SLC7A8: variants seen among roughly 807,000 people sequenced by gnomAD.
SLC7A8 encodes solute carrier family 7 member 8, also known as large neutral amino acids transporter small subunit 2.
In SLC7A8, 30 loss-of-function variants were observed where a neutral mutation model predicts 51.2. The observed-to-expected ratio is 0.59, with a 90% CI of 0.44 to 0.80. SLC7A8 has a LOEUF of 0.80. Ranked by LOEUF, SLC7A8 falls within the 30% of genes least tolerant of loss-of-function variation. The pLI is 0.00. For synonymous variants in SLC7A8, 257 were observed against 275.8 expected (o/e 0.93, Z 0.67); for missense variants, 612 against 674.4 (o/e 0.91, Z 1.03).
intron 3 of SLC7A8, chr14:23,155,422 C>T (rs757500369): frequency 2.6e-5 from 38 of 1,442,592 alleles, no homozygotes; most frequent in Non-Finnish European, 3.3e-5. Flanking sequence ...AGCTCCTGCG[C>T]CAGCTGCTGG....
At chr14:23,160,219 G>T (rs964160774) in intron 3 of SLC7A8, among the ~76,000 whole-genome samples, 1 of 152,102 alleles carries the variant, frequency 6.6e-6, no homozygotes, top group Non-Finnish European at 1.5e-5. Flanking sequence ...CATTGTGGAT[G>T]CTTTGTTTAC....
intron 9 of SLC7A8, 66 bp downstream of exon 9, chr14:23,129,583 TA>T (rs765357160): frequency 6.6e-5 from 103 of 1,565,486 alleles, no homozygotes; most frequent in Non-Finnish European, 8.0e-5. Context: ...AGAGGTGATT[TA>T]AAAATCTGAA....
At chr14:23,168,287 G>A (rs1470447660) in intron 1 of SLC7A8, among the ~76,000 whole-genome samples, 1 of 152,190 alleles carries the variant, frequency 6.6e-6, no homozygotes, top group Non-Finnish European at 1.5e-5. Flanking sequence ...CTATTCAGAA[G>A]TACTGGGTTA....
Position 23,171,467 on chromosome 14 carries a change from C to G in SLC7A8, c.152-4927G>C, listed in dbSNP as rs576948393. ...ATGTGACTCCCATTAAAGCATTACT[C>G]ACATCTAGGCTTGTCCACACGAGAA... On this transcript the variant is annotated intron_variant, in intron 1 of 10. Coordinates refer to ENST00000316902, the MANE Select transcript of SLC7A8 (RefSeq NM_012244.4). 9.2e-5 allele frequency among the ~76,000 whole-genome samples: 14 copies of G among 152,326 alleles called. No individual in the cohort carries two copies. The East Asian group carries it at 2.7e-3, about 29-fold the overall frequency.
intron 3 of SLC7A8, among the ~76,000 whole-genome samples, chr14:23,147,175 CT>C (rs1442638518): frequency 2.6e-5 from 4 of 151,966 alleles, no homozygotes; most frequent in South Asian, 2.1e-4. Context: ...ATCTATCCAT[CT>C]ATCATCCATC....
chr14:23,128,798 G>T lies in SLC7A8; in HGVS notation c.1264-602C>A, dbSNP rs564732515. On this transcript the variant is annotated intron_variant, in intron 9 of 10. Transcript: ENST00000316902. This position sits in a 1 kb window ranked among gnomAD's most constrained non-coding sequence, Gnocchi z 4.3. ...TGCCTTTCTCTTCCTTGTCTTCCTCGCTCAGAAGGGATGTGTGTGGTGGGG... is the reference window on the plus strand; with the variant it reads ...TGCCTTTCTCTTCCTTGTCTTCCTCTCTCAGAAGGGATGTGTGTGGTGGGG... 2.6e-5 allele frequency among the ~76,000 whole-genome samples: 4 copies of T among 152,276 alleles called. No individual in the cohort carries two copies. The highest frequency in any genetic ancestry group is 5.9e-5 in the Non-Finnish European group (4 of 68,016).
At chr14:23,155,589 G>A (rs868233960) in intron 3 of SLC7A8, 27 of 851,588 alleles carry the variant, frequency 3.2e-5, no homozygotes, top group Middle Eastern at 4.4e-4. Flanking sequence ...CGAAAAACTG[G>A]ACACCAAGAA....
At position 23,183,252 on chromosome 14, in the gene SLC7A8, G is replaced by C. The variant is rs1314293805; in HGVS notation, c.-338C>G. The stretch of plus-strand genomic sequence containing the variant: ...GAAAGGGATGTGTCTTCAGAAACCA[G>C]GATGGTTCTGCTCTGTGCACCAGGC... On this transcript the variant is annotated 5_prime_UTR_variant, in exon 1 of 11. Coordinates refer to ENST00000316902, the MANE Select transcript of SLC7A8 (RefSeq NM_012244.4). 2 of 273,082 alleles carry C rather than the reference G, an allele frequency of 7.3e-6. No individual in the cohort carries two copies. Among genetic ancestry groups the C allele is most frequent in the African/African-American group, 4.6e-5 (2 of 43,452 alleles). The allele number at this position is 273,082 out of a possible 1,614,324, so 16.9% of individuals were successfully genotyped here. A position where few individuals can be genotyped will look rare whatever the true frequency, so the allele number is the denominator to read the frequency against.
chr14:23,142,081 G>A (rs1339872169), intron 4 of SLC7A8, among the ~76,000 whole-genome samples: 1 of 152,210 alleles, frequency 6.6e-6, no homozygotes, highest in Non-Finnish European at 1.5e-5. Context: ...ACCTGTTAAA[G>A]AACTTAATCC....
chr14:23,166,271 G>T, intron 2 of SLC7A8, 65 bp downstream of exon 2: 1 of 1,566,688 alleles, frequency 6.4e-7, no homozygotes, highest in Non-Finnish European at 8.7e-7. Context: ...TTTCCAATCT[G>T]ACCTCCTTCT....
Position 23,128,257 on chromosome 14 carries a change from G to A in SLC7A8, c.1264-61C>T. The A allele has an allele frequency of 2.5e-6, 4 of 1,599,898 alleles. No individual in the cohort carries two copies. Among genetic ancestry groups the A allele is most frequent in the Non-Finnish European group, 2.6e-6 (3 of 1,173,320 alleles). On this transcript the variant is annotated intron_variant, in intron 9 of 10. Coordinates refer to ENST00000316902, the MANE Select transcript of SLC7A8 (RefSeq NM_012244.4). The surrounding 1 kb of genome is among the most constrained non-coding windows in gnomAD (Gnocchi z 4.3). ...AGGCCACGTGGCCCCCAGGACTAGG[G>A]ACTGGGGCATTCTCTCTCTTCTTCA... is the stretch of plus-strand genomic sequence containing the variant.
At chr14:23,154,998 C>CAAAAAAAAAAAAAA (rs33973055) in intron 3 of SLC7A8, among the ~76,000 whole-genome samples, 6 of 89,434 alleles carry the variant, frequency 6.7e-5, no homozygotes, top group South Asian at 4.3e-4. Flanking sequence ...ACACAACAGA[C>CAAAAAAAAAAAAAA]AAAAAAAAAA....
chr14:23,155,448 T>G, intron 3 of SLC7A8: 1 of 1,433,210 alleles, frequency 7.0e-7, no homozygotes, highest in Non-Finnish European at 9.1e-7. Context: ...GGGTTTCTGC[T>G]GAATCACCAC....
At chr14:23,179,294 C>T (rs901567342) in intron 1 of SLC7A8, among the ~76,000 whole-genome samples, 2 of 152,152 alleles carry the variant, frequency 1.3e-5, no homozygotes, top group Non-Finnish European at 1.5e-5. Flanking sequence ...ATCTCATCCT[C>T]CCAATCAGGA....
At chr14:23,155,168 C>A in intron 3 of SLC7A8, 3 of 1,535,894 alleles carry the variant, frequency 2.0e-6, no homozygotes, top group South Asian at 1.2e-5. Flanking sequence ...GCACTTACAA[C>A]GTTTTAGAAA....
intron 3 of SLC7A8, among the ~76,000 whole-genome samples, chr14:23,147,566 T>C (rs1252947402): frequency 6.6e-6 from 1 of 152,192 alleles, no homozygotes; most frequent in Non-Finnish European, 1.5e-5. Context: ...ATAAGACTGG[T>C]TCTTGTCCGT....
At chr14:23,151,009 C>T (rs993999680) in intron 3 of SLC7A8, among the ~76,000 whole-genome samples, 4 of 152,166 alleles carry the variant, frequency 2.6e-5, no homozygotes, top group Admixed American at 6.5e-5. Context: ...CAAACATATT[C>T]CCGTGCCTCA....
At chr14:23,171,037 TTTCTTGA>T (rs534670284) in intron 1 of SLC7A8, among the ~76,000 whole-genome samples, 251 of 152,258 alleles carry the variant, frequency 1.6e-3, no homozygotes, top group Non-Finnish European at 3.2e-3. Flanking sequence ...CCAACACACG[TTTCTTGA>T]TGAGATATAG....
Position 23,137,932 on chromosome 14 carries a change from G to C in SLC7A8, c.1005C>G (p.Phe335Leu), listed in dbSNP as rs1371443307. The C allele has an allele frequency of 6.2e-7, 1 of 1,613,978 alleles. No homozygotes were observed. The highest frequency in any genetic ancestry group is 8.5e-7 in the Non-Finnish European group (1 of 1,180,014). ...STFGGVNGSL[F>L]TSSRLFFAGA... is the part of the protein sequence containing the mutation. ...CAGGCAGCACTCACCGAGAGGAGGT[G>C]AAGAGAGACCCATTAACTCCTCCAA... The change falls in exon 7 of 11, where the codon TTC becomes TTG. Residue 335 changes from phenylalanine (F) to leucine (L), a missense_variant. Phe to Leu is a conservative substitution (Grantham distance 22). Transcript: ENST00000316902.
Sources: gnomAD v4.1 joint callset for allele counts (sites outside exome capture counted in the v4.1 genomes callset) on GRCh38, gnomAD v4.1.1 for gene constraint, Gnocchi (gnomAD v3.1) non-coding constraint, MANE v1.5 for transcripts, NCBI Gene and HGNC (gene_info 2026-07-23, HGNC 2026-07-21) for gene names.